The following HEATR5B variants were observed in gnomAD, a reference collection of about 807,000 sequenced individuals.
HEATR5B encodes the protein HEAT repeat-containing protein 5B.
HEATR5B carries 156 observed loss-of-function variants against 224.1 expected under a neutral mutation model. That is an observed-to-expected ratio of 0.70 (90% CI 0.61 to 0.80). The LOEUF (loss-of-function observed/expected upper bound fraction) is 0.80. Ranked by LOEUF, HEATR5B falls within the 30% of genes least tolerant of loss-of-function variation. The pLI is 0.00. For synonymous variants in HEATR5B, 1,027 were observed against 893.0 expected, an observed-to-expected ratio of 1.15 and a Z score of -2.68; for missense variants, 2,323 against 2,535.5, an observed-to-expected ratio of 0.92 and a Z score of 1.80.
In HEATR5B at chr2:36,989,790, T is replaced by C. The variant is rs534565375; in HGVS notation, c.5697+858A>G. The stretch of plus-strand genomic sequence containing the variant: ...TTGGTAGAACACAAGTGGCTAAATA[T>C]GGCTAGACACAAGAAAAACCTGAAG... On this transcript the variant is annotated intron_variant, in intron 34 of 35. Coordinates refer to ENST00000233099, the MANE Select transcript of HEATR5B (RefSeq NM_019024.3). Among the ~76,000 whole-genome samples the C allele has an allele frequency of 1.9e-4, 29 of 151,974 alleles. No individual in the cohort carries two copies. In the South Asian group the frequency reaches 5.4e-3, roughly 28 times the overall value.
At chr2:37,047,342 G>A (rs1474812700) in intron 18 of HEATR5B, among the ~76,000 whole-genome samples, 1 of 152,090 alleles carries the variant, frequency 6.6e-6, no homozygotes, top group Non-Finnish European at 1.5e-5. Context: ...CAGTTGTTTT[G>A]AGGAATAAAG....
intron 33 of HEATR5B, among the ~76,000 whole-genome samples, chr2:36,998,194 A>G (rs1320038787): frequency 6.6e-6 from 1 of 152,186 alleles, no homozygotes; most frequent in Admixed American, 6.5e-5. Flanking sequence ...GTTTTCAGTT[A>G]TTTTATATTT....
chr2:37,064,618 G>T, intron 10 of HEATR5B, 122 bp downstream of exon 10: 1 of 923,828 alleles, frequency 1.1e-6, no homozygotes, highest in Non-Finnish European at 1.7e-6. Context: ...AGAACACTAT[G>T]TTTTATGATA....
At chr2:37,054,819 G>A (rs896082005) in intron 16 of HEATR5B, among the ~76,000 whole-genome samples, 1 of 152,050 alleles carries the variant, frequency 6.6e-6, no homozygotes, top group African/African-American at 2.4e-5. Flanking sequence ...GAGTGAGAGA[G>A]CATTCTTCTA....
At chr2:37,075,812 CAATT>C (rs1307124078) in intron 4 of HEATR5B, 178 bp from the exon 5 acceptor site, 2 of 420,312 alleles carry the variant, frequency 4.8e-6, no homozygotes, top group Admixed American at 4.1e-5. Flanking sequence ...TAAGAATAGT[CAATT>C]AAATAATATC....
At chr2:37,074,785 C>A (rs1379831811) in intron 5 of HEATR5B, among the ~76,000 whole-genome samples, 1 of 152,130 alleles carries the variant, frequency 6.6e-6, no homozygotes, top group Non-Finnish European at 1.5e-5. Flanking sequence ...CAAATAAGCA[C>A]CTGAAAATAT....
Position 37,056,747 on chromosome 2 carries a change from T to C in HEATR5B, c.2224-132A>G, listed in dbSNP as rs983942035. 3 of 721,510 alleles carry C rather than the reference T, an allele frequency of 4.2e-6. No individual in the cohort carries two copies. The East Asian group carries it at 8.9e-5, about 21-fold the overall frequency. 44.7% of individuals were successfully genotyped at this position (721,510 alleles called of 1,614,324 possible). The stretch of plus-strand genomic sequence containing the variant: ...AAAAAAGAATGATTGGATCCGAACA[T>C]TTGAAAACAGACCAAAATGTAATTT... On this transcript the variant is annotated intron_variant, in intron 15 of 35. Transcript: ENST00000233099.
chr2:37,050,726 A>T (rs1288569119), intron 17 of HEATR5B, among the ~76,000 whole-genome samples: 1 of 152,228 alleles, frequency 6.6e-6, no homozygotes, highest in Non-Finnish European at 1.5e-5. Context: ...TGACTTAAAC[A>T]GTATAATCAA....
intron 27 of HEATR5B, among the ~76,000 whole-genome samples, chr2:37,010,135 T>C (rs1177581618): frequency 6.6e-6 from 1 of 152,160 alleles, no homozygotes; most frequent in Non-Finnish European, 1.5e-5. Flanking sequence ...TTGTAATACA[T>C]TTAGGCTTTG....
chr2:37,055,208 A>G, intron 16 of HEATR5B: 1 of 222,804 alleles, frequency 4.5e-6, no homozygotes, highest in South Asian at 5.1e-5. Context: ...ATCTTCTATC[A>G]AAACACTGTC....
chr2:37,037,514 C>A (rs185015440), intron 21 of HEATR5B, among the ~76,000 whole-genome samples: 4 of 151,576 alleles, frequency 2.6e-5, no homozygotes, highest in African/African-American at 4.9e-5. Flanking sequence ...AAAGAGAACA[C>A]CAGTGAATAA....
intron 2 of HEATR5B, among the ~76,000 whole-genome samples, chr2:37,080,525 A>G (rs1363596435): frequency 6.6e-6 from 1 of 152,190 alleles, no homozygotes. Flanking sequence ...AAAAGAGGGA[A>G]GTCAAAAATG....
chr2:37,084,252 T>A lies in HEATR5B; in HGVS notation c.-23+17A>T, dbSNP rs1375020011. 1.8e-5 allele frequency: 7 copies of A among 385,744 alleles called. No individual in the cohort carries two copies. Among genetic ancestry groups the A allele is most frequent in the Admixed American group, 9.0e-5 (2 of 22,304 alleles). 23.9% of individuals were successfully genotyped at this position (385,744 alleles called of 1,614,324 possible). ...AGGAGTCCGTGCGTGTCAACATGCATGCTTCGGCGACCTCACCTCGTAGTC... is the reference window on the plus strand; with the variant it reads ...AGGAGTCCGTGCGTGTCAACATGCAAGCTTCGGCGACCTCACCTCGTAGTC... On this transcript the variant is annotated intron_variant, in intron 1 of 35. Transcript: ENST00000233099.
chr2:37,043,117 A>G (rs548060749), intron 18 of HEATR5B, among the ~76,000 whole-genome samples: 1 of 152,298 alleles, frequency 6.6e-6, no homozygotes, highest in African/African-American at 2.4e-5. Flanking sequence ...TTTCCACTTG[A>G]TGTGTGCCAA....
At chr2:37,029,461 C>G (rs1448217389) in intron 22 of HEATR5B, among the ~76,000 whole-genome samples, 1 of 151,606 alleles carries the variant, frequency 6.6e-6, no homozygotes, top group African/African-American at 2.4e-5. Flanking sequence ...ATCAGGAGTT[C>G]GAGACCAGCC....
rs1215709648 is a variant in HEATR5B, at chr2:37,028,126, T to G, written c.3650A>C (p.Glu1217Ala). 1 of 1,610,516 alleles carries G rather than the reference T, an allele frequency of 6.2e-7. No homozygotes were observed. Residue 1217 changes from glutamate (E) to alanine (A), a missense_variant, in exon 24 of 36, where the codon GAA becomes GCA. By Grantham distance (107) the Glu-to-Ala change is moderately radical. Coordinates refer to ENST00000233099, the MANE Select transcript of HEATR5B (RefSeq NM_019024.3). ...ATCATCATCCATCTCATCTTTCTTT[T>G]CAGCTTCTTCATCTTTTCCACTACT... Reference protein sequence around the residue: ...LLSSGKDEEAEKKDEMDDDTM... With the variant: ...LLSSGKDEEAAKKDEMDDDTM...
At chr2:37,062,770 T>TCCAA (rs1395792424) in intron 10 of HEATR5B, among the ~76,000 whole-genome samples, 1 of 152,204 alleles carries the variant, frequency 6.6e-6, no homozygotes, top group Non-Finnish European at 1.5e-5. Context: ...GACTGTAAGC[T>TCCAA]CCAAAAGATT....
At position 36,981,765 on chromosome 2, in the gene HEATR5B, T is replaced by A; in HGVS notation, c.5941A>T (p.Thr1981Ser). Reference sequence around the variant, plus strand: ...TCATCCAGCAGGTAAGATATCAAAGTGGGAACTAAAAGAGCAAGTAGCTGG... The same window carrying A: ...TCATCCAGCAGGTAAGATATCAAAGAGGGAACTAAAAGAGCAAGTAGCTGG... The part of the protein sequence containing the change: ...RVQLLALLVP[T>S]LISYLLDENS... Residue 1981 changes from threonine to serine, a missense_variant, in exon 36 of 36, where the codon ACT (threonine) becomes TCT (serine). This residue lies in a region of HEATR5B where 844 missense variants were observed against 812.9 expected (regional missense o/e 1.04). Transcript: ENST00000233099. The A allele has an allele frequency of 6.2e-7, 1 of 1,612,820 alleles. No individual in the cohort carries two copies. Among genetic ancestry groups the A allele is most frequent in the Non-Finnish European group, 8.5e-7 (1 of 1,179,492 alleles).
At chr2:37,032,887 T>G in intron 21 of HEATR5B, 114 bp from the exon 22 acceptor site, 5 of 936,836 alleles carry the variant, frequency 5.3e-6, no homozygotes, top group Non-Finnish European at 6.0e-6. Flanking sequence ...TTGTTTTGTT[T>G]TTTTTTTTTT....
Sources: allele counts gnomAD v4.1 joint callset (sites outside exome capture counted in the v4.1 genomes callset), GRCh38; gene constraint gnomAD v4.1.1; regional missense constraint gnomAD v4.1.1; transcripts MANE v1.5; gene names NCBI Gene and HGNC (gene_info 2026-07-23, HGNC 2026-07-21).